MX2: variants seen among roughly 807,000 people sequenced by gnomAD.
MX2 encodes MX dynamin like GTPase 2.
Under a neutral mutation model 74.0 loss-of-function variants are expected in MX2, and 51 were observed. The observed-to-expected ratio is 0.69, with a 90% confidence interval of 0.55 to 0.87. The LOEUF (loss-of-function observed/expected upper bound fraction) is 0.87, where lower values mean the gene tolerates loss of function less well. MX2 is among the 40% of genes least tolerant of loss of function. MX2 has a pLI of 0.00. For missense variants in MX2, 832 were observed against 908.7 expected, an observed-to-expected ratio of 0.92 and a Z score of 1.09; for synonymous variants, 369 against 339.3, an observed-to-expected ratio of 1.09 and a Z score of -0.96.
At position 41,377,103 on chromosome 21, in the gene MX2, T is replaced by G. The variant is rs932715166; in HGVS notation, c.197T>G (p.Leu66Arg). The G allele has an allele frequency of 6.2e-7, 1 of 1,614,138 alleles. No homozygotes were observed. The highest frequency in any genetic ancestry group is 1.3e-5 in the African/African-American group (1 of 75,022). Residue 66 changes from leucine to arginine, a missense_variant, in exon 2 of 14, where the codon CTC becomes CGC. By Grantham distance (102) the Leu-to-Arg change is moderately radical. Transcript: ENST00000330714. ...AAFLAKDFNF[L>R]TLNNQPPPGN... ...TTCCTCGCCAAGGACTTCAACTTTC[T>G]CACTTTGAACAATCAGCCACCACCA... is the stretch of plus-strand genomic sequence containing the variant.
In MX2 at chr21:41,408,485, A is replaced by G. The variant is rs2089915538; in HGVS notation, c.*252A>G. 2 of 540,144 alleles carry G rather than the reference A, an allele frequency of 3.7e-6. No individual in the cohort carries two copies. Among genetic ancestry groups the G allele is most frequent in the Admixed American group, 6.7e-5 (2 of 30,074 alleles). The allele number at this position is 540,144 out of a possible 1,614,324, so 33.5% of individuals were successfully genotyped here. A position where few individuals can be genotyped will look rare whatever the true frequency, so the allele number is the denominator to read the frequency against. On this transcript the variant is annotated 3_prime_UTR_variant, in exon 14 of 14. Transcript: ENST00000330714. ...CTTGGGTCCCGTAGCACACAGTTAC[A>G]GTGTCCTAAGATACTGCTATCATTC...
chr21:41,408,862 T>G lies in MX2; in HGVS notation c.*629T>G, dbSNP rs887968134. 2 of 152,296 alleles carry G rather than the reference T, an allele frequency of 1.3e-5. No homozygotes were observed. The highest frequency in any genetic ancestry group is 2.9e-5 in the Non-Finnish European group (2 of 68,120). The allele number at this position is 152,296 out of a possible 1,614,324, so 9.4% of individuals were successfully genotyped here. Reference sequence around the variant, plus strand: ...TGAGTGATTCTCTTTTCTTCTTGTTTCCCTGATTATGATGAGCTTCCATTG... The same window carrying G: ...TGAGTGATTCTCTTTTCTTCTTGTTGCCCTGATTATGATGAGCTTCCATTG... On this transcript the variant is annotated 3_prime_UTR_variant, in exon 14 of 14. Transcript: ENST00000330714.
At chr21:41,390,414 A>T in intron 5 of MX2, 151 bp from the exon 6 acceptor site, 1 of 1,130,672 alleles carries the variant, frequency 8.8e-7, no homozygotes, top group African/African-American at 1.5e-5. Context: ...CGGGGCAGGC[A>T]TTCCCAGGAC....
intron 12 of MX2, 21 bp downstream of exon 12, chr21:41,403,364 T>C: frequency 6.3e-7 from 1 of 1,589,398 alleles, no homozygotes; most frequent in East Asian, 2.2e-5. Flanking sequence ...AGAGTTCACT[T>C]GCTAGTCACC....
In MX2 at chr21:41,366,606, C is replaced by T. The variant is rs1379281137; in HGVS notation, c.-72+4551C>T. 1 of 152,162 alleles carries T rather than the reference C, an allele frequency of 6.6e-6. No individual in the cohort carries two copies. The highest frequency in any genetic ancestry group is 1.5e-5 in the Non-Finnish European group (1 of 68,046). 9.4% of individuals were successfully genotyped at this position (152,162 alleles called of 1,614,324 possible). A position where few individuals can be genotyped will look rare whatever the true frequency, so the allele number is the denominator to read the frequency against. On this transcript the variant is annotated intron_variant, in intron 1 of 13. Coordinates refer to ENST00000330714, the MANE Select transcript of MX2 (RefSeq NM_002463.2). This position sits in a 1 kb window ranked among gnomAD's most constrained non-coding sequence, Gnocchi z 4.5. ...AGGTCCTTCTCAGATGCTTTGGGTC[C>T]TGCCATTGAAAGGGAAGAAGAGAAG...
intron 5 of MX2, among the ~76,000 whole-genome samples, chr21:41,385,596 G>A (rs965994630): frequency 8.5e-5 from 13 of 152,214 alleles, no homozygotes; most frequent in South Asian, 4.1e-4. Context: ...TACAAATTTC[G>A]CTGTCTCTGG....
At position 41,408,202 on chromosome 21, in the gene MX2, T is replaced by C. The variant is rs1601441234; in HGVS notation, c.2117T>C (p.Leu706Pro). The change falls in exon 14 of 14, where the codon CTC (leucine) becomes CCC (proline). Residue 706 changes from leucine (L) to proline (P), a missense_variant. Coordinates refer to ENST00000330714, the MANE Select transcript of MX2 (RefSeq NM_002463.2). ...CGGCTCACTCAGGCGCGACACGCAC[T>C]CTGTCAATTCTCCAGCAAAGAGATC... ...IYRLTQARHA[L>P]CQFSSKEIH 6.2e-7 allele frequency: 1 copy of C among 1,614,154 alleles called. No homozygotes were observed. Among genetic ancestry groups the C allele is most frequent in the Non-Finnish European group, 8.5e-7 (1 of 1,180,006 alleles).
intron 10 of MX2, among the ~76,000 whole-genome samples, chr21:41,400,217 G>A (rs948828301): frequency 6.6e-6 from 1 of 152,156 alleles, no homozygotes; most frequent in African/African-American, 2.4e-5. Context: ...ACCAGGGGAG[G>A]GGGGAATCCA....
At chr21:41,378,106 G>C (rs914093966) in intron 3 of MX2, 125 bp downstream of exon 3, 1 of 1,240,064 alleles carries the variant, frequency 8.1e-7, no homozygotes, top group East Asian at 2.6e-5. Flanking sequence ...AAGACAGGAC[G>C]CTGGGAGAGA....
In MX2 at chr21:41,402,124, C is replaced by T. The variant is rs1459951744; in HGVS notation, c.1569C>T (p.Ala523=). Residue 523 remains alanine (A), a synonymous_variant, in exon 11 of 14, where the codon GCC becomes GCT. Transcript: ENST00000330714. The surrounding 1 kb of genome is among the most constrained non-coding windows in gnomAD (Gnocchi z 4.5). ...VEPALSMLQK[A]MEIIQQAFIN... ...CCGCCCTTAGCATGCTCCAGAAAGC[C>T]ATGGGTGAGGACTTTCAAGCAGGAC... is the stretch of plus-strand genomic sequence containing the variant. 1 of 1,612,906 alleles carries T rather than the reference C, an allele frequency of 6.2e-7. No individual in the cohort carries two copies. Among genetic ancestry groups the T allele is most frequent in the Non-Finnish European group, 8.5e-7 (1 of 1,179,566 alleles).
chr21:41,372,415 A>G (rs182086117), intron 1 of MX2, among the ~76,000 whole-genome samples: 1 of 152,360 alleles, frequency 6.6e-6, no homozygotes, highest in Admixed American at 6.5e-5. Context: ...ACTTGTCAGA[A>G]GTTTGCATCG....
intron 6 of MX2, among the ~76,000 whole-genome samples, chr21:41,393,127 A>AAAAAAAAAAAAAAAAG: frequency 7.0e-6 from 1 of 141,968 alleles, no homozygotes; most frequent in South Asian, 2.2e-4. Context: ...AAAAAAAAAA[A>AAAAAAAAAAAAAAAAG]AAAAGAAAGA....
intron 1 of MX2, among the ~76,000 whole-genome samples, chr21:41,372,137 AC>A (rs1445903865): frequency 1.3e-5 from 2 of 152,056 alleles, no homozygotes; most frequent in African/African-American, 4.8e-5. Context: ...GCTATCATGA[AC>A]CCATGGCTCT....
At chr21:41,393,479 CT>C (rs2089691009) in intron 6 of MX2, among the ~76,000 whole-genome samples, 1 of 152,058 alleles carries the variant, frequency 6.6e-6, no homozygotes, top group African/African-American at 2.4e-5. Flanking sequence ...CCACTCCCTC[CT>C]TCCTGAACCT....
intron 8 of MX2, 68 bp from the exon 9 acceptor site, chr21:41,398,829 T>C (rs1453236492): frequency 6.3e-7 from 1 of 1,577,196 alleles, no homozygotes; most frequent in African/African-American, 1.4e-5. Flanking sequence ...CTCCTACTCA[T>C]ATACCAAAGA....
chr21:41,392,656 AT>A (rs1601420403), intron 6 of MX2, among the ~76,000 whole-genome samples: 1 of 152,222 alleles, frequency 6.6e-6, no homozygotes, highest in Non-Finnish European at 1.5e-5. Flanking sequence ...AAATAGGAAA[AT>A]TCACTTTACG....
chr21:41,393,549 G>A (rs916150729), intron 6 of MX2, among the ~76,000 whole-genome samples: 6 of 151,916 alleles, frequency 3.9e-5, no homozygotes, highest in East Asian at 1.9e-4. Flanking sequence ...GGTCGCTTCC[G>A]TCACTGGCCA....
chr21:41,403,549 C>T (rs756284819), intron 12 of MX2: 1 of 750,162 alleles, frequency 1.3e-6, no homozygotes, highest in Non-Finnish European at 2.5e-6. Context: ...CGGCTTCACT[C>T]CCCAGGAGAA....
chr21:41,395,870 G>T (rs1034335140), intron 7 of MX2, 85 bp downstream of exon 7: 5 of 1,359,392 alleles, frequency 3.7e-6, no homozygotes, highest in African/African-American at 1.4e-5. Context: ...TGACCAAAGT[G>T]TATGCACAAA....
Sources: gnomAD v4.1 joint callset for allele counts (sites outside exome capture counted in the v4.1 genomes callset) on GRCh38, gnomAD v4.1.1 for gene constraint, Gnocchi (gnomAD v3.1) non-coding constraint, MANE v1.5 for transcripts, NCBI Gene and HGNC (gene_info 2026-07-23, HGNC 2026-07-21) for gene names.